Variants in SULT1C4 observed in about 807,000 individuals in gnomAD.
The protein encoded by SULT1C4 is sulfotransferase family 1C member 4.
In SULT1C4, 32 loss-of-function variants were observed where a neutral mutation model predicts 34.8. The observed-to-expected ratio is 0.92, with a 90% CI of 0.69 to 1.23. SULT1C4 has a LOEUF of 1.23. Among genes scored for constraint, SULT1C4 ranks in the 50% most tolerant of loss-of-function variants. The probability of loss-of-function intolerance (pLI) is 0.00; values close to 1 mark genes in which losing one functional copy is unlikely to be tolerated. For synonymous variants in SULT1C4, 111 were observed against 120.5 expected (o/e 0.92, Z 0.51); for missense variants, 375 against 365.9 (o/e 1.02, Z -0.20).
chr2:108,383,590 C>A, intron 5 of SULT1C4, 80 bp downstream of exon 5: 1 of 1,296,764 alleles, frequency 7.7e-7, no homozygotes, highest in Non-Finnish European at 1.1e-6. Context: ...ATCAGGGACT[C>A]AGATTGATGC....
At position 108,384,233 on chromosome 2, in the gene SULT1C4, T is replaced by TTTATTTTA. The variant is rs1271962051; in HGVS notation, c.615+725_615+726insATTTTATT. Among the ~76,000 whole-genome samples, 800 of 139,484 alleles carry TTTATTTTA rather than the reference T, an allele frequency of 5.7e-3. 8 individuals are homozygous for TTTATTTTA. Among genetic ancestry groups the TTTATTTTA allele is most frequent in the African/African-American group, 0.022 (762 of 34,158 alleles). 91.5% of individuals were successfully genotyped at this position (139,484 alleles called of 152,430 possible). A position where few individuals can be genotyped will look rare whatever the true frequency, so the allele number is the denominator to read the frequency against. On this transcript the variant is annotated intron_variant, in intron 5 of 6. Coordinates refer to ENST00000272452, the MANE Select transcript of SULT1C4 (RefSeq NM_006588.4). The stretch of plus-strand genomic sequence containing the variant: ...ATTTATTTATTTATTTATTTATTTA[T>TTTATTTTA]TTTATTTATTTTTTGAGACGGAGTC...
In SULT1C4 at chr2:108,378,265, C is replaced by T; in HGVS notation, c.-73C>T. ...TAGTGTGGTGGATAGAGTGCTGCCT[C>T]TATCCACAACGCAGCCATATGCTGA... On this transcript the variant is annotated 5_prime_UTR_variant, in exon 1 of 7. Coordinates refer to ENST00000272452, the MANE Select transcript of SULT1C4 (RefSeq NM_006588.4). The T allele has an allele frequency of 6.9e-7, 1 of 1,453,198 alleles. No individual in the cohort carries two copies. Among genetic ancestry groups the T allele is most frequent in the Non-Finnish European group, 9.5e-7 (1 of 1,054,258 alleles). 90.0% of individuals were successfully genotyped at this position (1,453,198 alleles called of 1,614,324 possible).
In SULT1C4 at chr2:108,386,271, A is replaced by G; in HGVS notation, c.695A>G (p.His232Arg). 6.3e-7 allele frequency: 1 copy of G among 1,585,586 alleles called. No individual in the cohort carries two copies. The highest frequency in any genetic ancestry group is 8.6e-7 in the Non-Finnish European group (1 of 1,165,826). ...LDDKVLDKIV[H>R]YTSFDVMKQN... ...GACAAAGTTCTAGATAAAATTGTCCATTACACTTCGTTTGATGTCATGAAA... is the reference window on the plus strand; with the variant it reads ...GACAAAGTTCTAGATAAAATTGTCCGTTACACTTCGTTTGATGTCATGAAA... The change falls in exon 6 of 7, where the codon CAT (histidine) becomes CGT (arginine). Residue 232 changes from histidine to arginine, a missense_variant. Physicochemically the swap from His to Arg is conservative, Grantham distance 29 (BLOSUM62 0). Transcript: ENST00000272452.
chr2:108,378,757 G>A (rs963488653), intron 1 of SULT1C4, among the ~76,000 whole-genome samples: 2 of 147,576 alleles, frequency 1.4e-5, no homozygotes, highest in Non-Finnish European at 3.0e-5. Context: ...TCCCAGGAGA[G>A]AGTGAAAACA....
chr2:108,384,201 ATACT>A (rs1558702161), intron 5 of SULT1C4, among the ~76,000 whole-genome samples: 2 of 150,264 alleles, frequency 1.3e-5, no homozygotes, highest in East Asian at 1.9e-4. Flanking sequence ...GAGGAACATA[ATACT>A]TTATTTATTT....
Position 108,388,824 on chromosome 2 carries a change from C to G in SULT1C4, c.*1392C>G, listed in dbSNP as rs1573301858. Among the ~76,000 whole-genome samples the G allele has an allele frequency of 6.6e-6, 1 of 152,120 alleles. No homozygotes were observed. Reference sequence around the variant, plus strand: ...TATACCAAGCCTCCTCCTGAAATTTCTCTTCCTTTCTTTCTACCTACCCAA... The same window carrying G: ...TATACCAAGCCTCCTCCTGAAATTTGTCTTCCTTTCTTTCTACCTACCCAA... On this transcript the variant is annotated 3_prime_UTR_variant, in exon 7 of 7. Coordinates refer to ENST00000272452, the MANE Select transcript of SULT1C4 (RefSeq NM_006588.4).
intron 1 of SULT1C4, 85 bp downstream of exon 1, chr2:108,378,591 T>C: frequency 6.8e-7 from 1 of 1,475,654 alleles, no homozygotes; most frequent in Non-Finnish European, 9.2e-7. Context: ...AATAAAGAAG[T>C]TGATCTGGAA....
chr2:108,386,298 A>C lies in SULT1C4; in HGVS notation c.722A>C (p.Gln241Pro), dbSNP rs1202065262. The change falls in exon 6 of 7, where the codon CAG becomes CCG. Residue 241 changes from glutamine to proline, a missense_variant. Physicochemically the swap from Gln to Pro is moderately conservative, Grantham distance 76. Coordinates refer to ENST00000272452, the MANE Select transcript of SULT1C4 (RefSeq NM_006588.4). ...VHYTSFDVMK[Q>P]NPMANYSSIP... ...TACACTTCGTTTGATGTCATGAAAC[A>C]GAATCCAATGGCAAACTATTCATCG... is the stretch of plus-strand genomic sequence containing the variant. The C allele has an allele frequency of 6.3e-7, 1 of 1,585,670 alleles. No homozygotes were observed. The highest frequency in any genetic ancestry group is 1.3e-5 in the African/African-American group (1 of 74,276).
Position 108,378,279 on chromosome 2 carries a change from G to A in SULT1C4, c.-59G>A, listed in dbSNP as rs1678295657. 3.9e-6 allele frequency: 6 copies of A among 1,538,086 alleles called. No homozygotes were observed. The highest frequency in any genetic ancestry group is 3.4e-5 in the Admixed American group (2 of 58,110). On this transcript the variant is annotated 5_prime_UTR_variant, in exon 1 of 7. Coordinates refer to ENST00000272452, the MANE Select transcript of SULT1C4 (RefSeq NM_006588.4). ...GAGTGCTGCCTCTATCCACAACGCAGCCATATGCTGACTGAAGATAACTTT... is the reference window on the plus strand; with the variant it reads ...GAGTGCTGCCTCTATCCACAACGCAACCATATGCTGACTGAAGATAACTTT...
intron 1 of SULT1C4, 41 bp downstream of exon 1, chr2:108,378,547 T>C: frequency 6.3e-7 from 1 of 1,597,472 alleles, no homozygotes; most frequent in South Asian, 1.1e-5. Flanking sequence ...AGAGGAGAGT[T>C]AGGAAGGTAA....
At chr2:108,380,188 A>C (rs1678349264) in intron 1 of SULT1C4, among the ~76,000 whole-genome samples, 1 of 152,216 alleles carries the variant, frequency 6.6e-6, no homozygotes, top group Non-Finnish European at 1.5e-5. Context: ...CGGCCAGATA[A>C]TACAGGAAAG....
chr2:108,380,101 T>C (rs1678346928), intron 1 of SULT1C4, among the ~76,000 whole-genome samples: 1 of 152,210 alleles, frequency 6.6e-6, no homozygotes, highest in African/African-American at 2.4e-5. Context: ...AATTTAATTT[T>C]TTTCTAACCT....
rs201855352 is a variant in SULT1C4 at position 108,382,470 on chromosome 2, G to A, written c.381G>A (p.Glu127=). ...PFHLLPPSLL[E]KNCKIIYVAR... is the part of the protein sequence containing the mutation. ...ACTTGCTGCCACCATCCTTGCTAGA[G>A]AAAAACTGTAAGGTAAAAAAGCAAA... Residue 127 remains glutamate, a synonymous_variant, in exon 3 of 7, where the codon GAG becomes GAA. Coordinates refer to ENST00000272452, the MANE Select transcript of SULT1C4 (RefSeq NM_006588.4). 23 of 1,613,930 alleles carry A rather than the reference G, an allele frequency of 1.4e-5. No homozygotes were observed. The highest frequency in any genetic ancestry group is 3.3e-4 in the Middle Eastern group (2 of 6,062).
intron 1 of SULT1C4, 37 bp from the exon 2 acceptor site, chr2:108,381,725 T>C (rs1036019543): frequency 2.2e-6 from 3 of 1,360,896 alleles, no homozygotes; most frequent in East Asian, 5.5e-5. Context: ...TGTACTATAC[T>C]AGATGTCTAT....
chr2:108,382,019 GTGTC>G, intron 2 of SULT1C4, 132 bp downstream of exon 2: 1 of 1,043,956 alleles, frequency 9.6e-7, no homozygotes, highest in Non-Finnish European at 1.3e-6. Context: ...TTTTTTAACT[GTGTC>G]TGGCCATTGT....
At position 108,388,542 on chromosome 2, in the gene SULT1C4, G is replaced by A. The variant is rs1026948936; in HGVS notation, c.*1110G>A. ...AACCCATTTCTCTCTATTTCAGACAGATGGCAAGGTTATTTTCCTTAAAAA... is the reference window on the plus strand; with the variant it reads ...AACCCATTTCTCTCTATTTCAGACAAATGGCAAGGTTATTTTCCTTAAAAA... On this transcript the variant is annotated 3_prime_UTR_variant, in exon 7 of 7. Coordinates refer to ENST00000272452, the MANE Select transcript of SULT1C4 (RefSeq NM_006588.4). Among the ~76,000 whole-genome samples the A allele has an allele frequency of 6.6e-6, 1 of 152,112 alleles. No individual in the cohort carries two copies. Among genetic ancestry groups the A allele is most frequent in the Non-Finnish European group, 1.5e-5 (1 of 68,034 alleles).
chr2:108,384,785 G>A (rs1387995196), intron 5 of SULT1C4, among the ~76,000 whole-genome samples: 4 of 152,136 alleles, frequency 2.6e-5, no homozygotes, highest in Admixed American at 6.5e-5. Flanking sequence ...ACTAAATACA[G>A]AGATCTATAC....
chr2:108,383,739 C>T (rs529805022), intron 5 of SULT1C4, among the ~76,000 whole-genome samples: 1 of 152,316 alleles, frequency 6.6e-6, no homozygotes, highest in South Asian at 2.1e-4. Context: ...ATTTCCCTTA[C>T]AGGCAGGTTA....
At chr2:108,383,539 C>A in intron 5 of SULT1C4, 29 bp downstream of exon 5, 1 of 1,589,836 alleles carries the variant, frequency 6.3e-7, no homozygotes, top group Non-Finnish European at 8.6e-7. Flanking sequence ...AAGGTGTACC[C>A]ACTGGACCAT....
Sources: gnomAD v4.1 joint callset for allele counts (sites outside exome capture counted in the v4.1 genomes callset) on GRCh38, gnomAD v4.1.1 for gene constraint, MANE v1.5 for transcripts, NCBI Gene and HGNC (gene_info 2026-07-23, HGNC 2026-07-21) for gene names.